The following MYT1L variants were observed in gnomAD, a reference collection of about 807,000 sequenced individuals.
The protein encoded by MYT1L is myelin transcription factor 1-like protein.
Under a neutral mutation model 126.7 loss-of-function variants are expected in MYT1L, and 12 were observed. The ratio of observed to expected loss-of-function variants is 0.09; its 90% CI spans 0.06 to 0.15. The LOEUF (loss-of-function observed/expected upper bound fraction) is 0.15, where lower values mean the gene tolerates loss of function less well. MYT1L is among the 10% of genes least tolerant of loss of function. The pLI is 1.00. For synonymous variants in MYT1L, 541 were observed against 604.2 expected, an observed-to-expected ratio of 0.90 and a Z score of 1.53; for missense variants, 979 against 1,585.2, an observed-to-expected ratio of 0.62 and a Z score of 6.49.
intron 9 of MYT1L, among the ~76,000 whole-genome samples, chr2:1,933,514 T>C (rs995626034): frequency 6.6e-6 from 1 of 152,206 alleles, no homozygotes; most frequent in Non-Finnish European, 1.5e-5. Context: ...AATTTTGGAT[T>C]CAAAGAAAGA....
intron 8 of MYT1L, among the ~76,000 whole-genome samples, chr2:1,952,452 T>C (rs2057845233): frequency 6.6e-6 from 1 of 152,186 alleles, no homozygotes; most frequent in Non-Finnish European, 1.5e-5. Context: ...TGGAGGTAGA[T>C]AAAGTGCAAA....
chr2:1,990,657 C>T (rs2061384403), intron 5 of MYT1L, among the ~76,000 whole-genome samples: 1 of 152,140 alleles, frequency 6.6e-6, no homozygotes, highest in Admixed American at 6.5e-5. Flanking sequence ...GCAACAGCAC[C>T]CACATATTCC....
intron 3 of MYT1L, among the ~76,000 whole-genome samples, chr2:2,087,919 A>T (rs73911342): frequency 0.015 from 2,247 of 152,358 alleles, 51 homozygotes; most frequent in African/African-American, 0.047. Flanking sequence ...GGGGCTCCAT[A>T]GCCTTGCCTT....
chr2:2,109,875 T>TATATATA (rs2079178183), intron 3 of MYT1L, among the ~76,000 whole-genome samples: 3 of 63,874 alleles, frequency 4.7e-5, no homozygotes, highest in African/African-American at 6.7e-5. Context: ...AGTGCTGATT[T>TATATATA]TATATATATA....
At chr2:1,942,213 T>C (rs1429271550) in intron 9 of MYT1L, among the ~76,000 whole-genome samples, 1 of 152,166 alleles carries the variant, frequency 6.6e-6, no homozygotes, top group Non-Finnish European at 1.5e-5. Flanking sequence ...TCCCACCTCT[T>C]TCCTCAGAAG....
At chr2:2,096,706 A>G (rs1308404160) in intron 3 of MYT1L, among the ~76,000 whole-genome samples, 1 of 151,900 alleles carries the variant, frequency 6.6e-6, no homozygotes, top group East Asian at 1.9e-4. Flanking sequence ...AGGTGTGGAG[A>G]GTGTGGAGTT....
intron 18 of MYT1L, among the ~76,000 whole-genome samples, chr2:1,868,687 T>C (rs190193525): frequency 5.1e-4 from 77 of 152,300 alleles, no homozygotes. Flanking sequence ...TCTCTGGCAC[T>C]CGTGGGCCTG....
chr2:2,306,376 T>A (rs1269653037), intron 1 of MYT1L, among the ~76,000 whole-genome samples: 2 of 152,258 alleles, frequency 1.3e-5, no homozygotes, highest in Non-Finnish European at 1.5e-5. Context: ...AGAACATACA[T>A]AAGTAGGTAA....
rs1403223700 is a variant in MYT1L at position 1,852,028 on chromosome 2, G to T, written c.2712-325C>A. Among the ~76,000 whole-genome samples, 1 of 152,078 alleles carries T rather than the reference G, an allele frequency of 6.6e-6. No individual in the cohort carries two copies. The highest frequency in any genetic ancestry group is 1.5e-5 in the Non-Finnish European group (1 of 68,014). On this transcript the variant is annotated intron_variant, in intron 18 of 24. Coordinates refer to ENST00000647738, the MANE Select transcript of MYT1L (RefSeq NM_001303052.2). This position sits in a 1 kb window ranked among gnomAD's most constrained non-coding sequence, Gnocchi z 4.0. ...TTCCTCCCCTCATTCTTAAAGCTCA[G>T]CAGAGCCAGCAACCACAGGGCTTGT...
At chr2:1,881,825 A>G (rs2047591670) in intron 18 of MYT1L, among the ~76,000 whole-genome samples, 1 of 152,202 alleles carries the variant, frequency 6.6e-6, no homozygotes, top group African/African-American at 2.4e-5. Flanking sequence ...AGTCATCGCT[A>G]AATGTAAACC....
intron 8 of MYT1L, among the ~76,000 whole-genome samples, chr2:1,958,809 CT>C (rs1210238010): frequency 6.6e-6 from 1 of 151,676 alleles, no homozygotes; most frequent in African/African-American, 2.4e-5. Flanking sequence ...GCAGAGGCCC[CT>C]TCTTCTAGGA....
At position 2,004,259 on chromosome 2, in the gene MYT1L, G is replaced by GTTCTTTCCTGCAGGCA. The variant is rs2062831205; in HGVS notation, c.-157-6913_-157-6912insTGCCTGCAGGAAAGAA. On this transcript the variant is annotated intron_variant, in intron 4 of 24. Coordinates refer to ENST00000647738, the MANE Select transcript of MYT1L (RefSeq NM_001303052.2). ...CCTGCAGGCGTTCTTTCCTGCAGGCGTTCTTTCCTGCAGGCGTTCTTTCCT... is the reference window on the plus strand; with the variant it reads ...CCTGCAGGCGTTCTTTCCTGCAGGCGTTCTTTCCTGCAGGCATTCTTTCCTGCAGGCGTTCTTTCCT... Among the ~76,000 whole-genome samples the GTTCTTTCCTGCAGGCA allele has an allele frequency of 8.2e-5, 6 of 73,458 alleles. 1 individual carries two copies. The highest frequency in any genetic ancestry group is 9.4e-4 in the South Asian group (2 of 2,126). The allele number at this position is 73,458 out of a possible 152,430, so 48.2% of individuals were successfully genotyped here. A position where few individuals can be genotyped will look rare whatever the true frequency, so the allele number is the denominator to read the frequency against.
In MYT1L at chr2:1,791,751, A is replaced by G; in HGVS notation, c.*116T>C. The G allele has an allele frequency of 3.7e-6, 4 of 1,066,694 alleles. No homozygotes were observed. Among genetic ancestry groups the G allele is most frequent in the Non-Finnish European group, 5.3e-6 (4 of 757,334 alleles). 66.1% of individuals were successfully genotyped at this position (1,066,694 alleles called of 1,614,324 possible). A position where few individuals can be genotyped will look rare whatever the true frequency, so the allele number is the denominator to read the frequency against. ...AAAATCATTATGAAGTCTTGTAAGC[A>G]TAACACTGTTTCAAATTCAAACAGA... is the stretch of plus-strand genomic sequence containing the variant. On this transcript the variant is annotated 3_prime_UTR_variant, in exon 25 of 25. Transcript: ENST00000647738. The surrounding 1 kb of genome is among the most constrained non-coding windows in gnomAD (Gnocchi z 6.0).
chr2:2,241,190 C>T (rs2094433272), intron 2 of MYT1L, among the ~76,000 whole-genome samples: 1 of 152,154 alleles, frequency 6.6e-6, no homozygotes, highest in Non-Finnish European at 1.5e-5. Context: ...TAACCGCACG[C>T]TTCCTGCCAT....
intron 8 of MYT1L, among the ~76,000 whole-genome samples, chr2:1,964,514 G>A (rs914895505): frequency 7.9e-5 from 12 of 152,136 alleles, no homozygotes; most frequent in African/African-American, 2.4e-4. Context: ...AACAGGGTGT[G>A]CCTGTAATGG....
chr2:2,174,305 A>G (rs2090456489), intron 2 of MYT1L, among the ~76,000 whole-genome samples: 4 of 152,216 alleles, frequency 2.6e-5, no homozygotes, highest in Non-Finnish European at 5.9e-5. Context: ...TCTGATAACA[A>G]TGGTGTGTTT....
At chr2:2,122,506 C>T (rs938852251) in intron 3 of MYT1L, among the ~76,000 whole-genome samples, 33 of 152,130 alleles carry the variant, frequency 2.2e-4, no homozygotes, top group Non-Finnish European at 3.4e-4. Flanking sequence ...TAATGGCCGG[C>T]GTAGGCACAT....
At position 1,917,230 on chromosome 2, in the gene MYT1L, C is replaced by T. The variant is rs760433224; in HGVS notation, c.1593G>A (p.Pro531=). The change falls in exon 11 of 25, where the codon CCG becomes CCA. Residue 531 remains proline (P), a synonymous_variant. Transcript: ENST00000647738. This position sits in a 1 kb window ranked among gnomAD's most constrained non-coding sequence, Gnocchi z 5.9. ...TTTCTGGAGGGACCCTATCTTTGTG[C>T]GGGCATCCGGACAGGCTGCGGTGAT... The part of the protein sequence containing the change: ...YPHHRSLSGC[P]HKDRVPPEIL... The T allele has an allele frequency of 2.8e-5, 45 of 1,613,064 alleles. No individual in the cohort carries two copies. Among genetic ancestry groups the T allele is most frequent in the Non-Finnish European group, 2.6e-5 (31 of 1,179,306 alleles).
chr2:2,188,887 C>T (rs1179236541), intron 2 of MYT1L, among the ~76,000 whole-genome samples: 1 of 32,216 alleles, frequency 3.1e-5, no homozygotes, highest in Non-Finnish European at 5.0e-5. Context: ...CTTTGTCCTG[C>T]CACAGTCTGA....
Sources: allele counts gnomAD v4.1 joint callset (sites outside exome capture counted in the v4.1 genomes callset), GRCh38; gene constraint gnomAD v4.1.1; non-coding constraint Gnocchi (gnomAD v3.1); transcripts MANE v1.5; gene names NCBI Gene and HGNC (gene_info 2026-07-23, HGNC 2026-07-21).